TMEM243: variants seen among roughly 807,000 people sequenced by gnomAD.
The protein encoded by TMEM243 is transmembrane protein 243.
TMEM243 carries 20 observed loss-of-function variants against 15.0 expected under a neutral mutation model. The ratio of observed to expected loss-of-function variants is 1.33; its 90% confidence interval spans 0.94 to 1.93. The LOEUF is 1.93. Among genes scored for constraint, TMEM243 ranks in the 30% most tolerant of loss-of-function variants. The probability of loss-of-function intolerance (pLI) is 0.00; values close to 1 mark genes in which losing one functional copy is unlikely to be tolerated. For missense variants in TMEM243, 156 were observed against 142.1 expected (o/e 1.10, Z -0.50); for synonymous variants, 72 against 52.7 (o/e 1.37, Z -1.59).
At chr7:87,211,778 G>A (rs1246745097) in intron 1 of TMEM243, among the ~76,000 whole-genome samples, 1 of 152,204 alleles carries the variant, frequency 6.6e-6, no homozygotes, top group Non-Finnish European at 1.5e-5. Flanking sequence ...TGTCACTAGA[G>A]ACAACCGGAG....
At chr7:87,201,562 T>C (rs563650204) in intron 1 of TMEM243, among the ~76,000 whole-genome samples, 2 of 152,256 alleles carry the variant, frequency 1.3e-5, no homozygotes, top group East Asian at 3.9e-4. Context: ...TAGCTCCCAA[T>C]CTCCAAAGAG....
At chr7:87,212,839 A>C (rs1802848601) in intron 1 of TMEM243, among the ~76,000 whole-genome samples, 1 of 152,220 alleles carries the variant, frequency 6.6e-6, no homozygotes, top group Admixed American at 6.5e-5. Context: ...AAAAGGCTAC[A>C]AAAATGAGGA....
intron 1 of TMEM243, among the ~76,000 whole-genome samples, chr7:87,218,144 A>T (rs1378889340): frequency 6.6e-6 from 1 of 152,204 alleles, no homozygotes; most frequent in Non-Finnish European, 1.5e-5. Flanking sequence ...ACATTTGTCT[A>T]CGTTTTTTTT....
In TMEM243 at chr7:87,209,353, G is replaced by A. The variant is rs905651451; in HGVS notation, c.78+10073C>T. On this transcript the variant is annotated intron_variant, in intron 1 of 3. Coordinates refer to ENST00000257637, the MANE Select transcript of TMEM243 (RefSeq NM_024315.4). Reference sequence around the variant, plus strand: ...GAGACTGGGGAGAAGAGGTTGAGAGGGGGGAAGAAGAGGGGAAGAGAGAGA... The same window carrying A: ...GAGACTGGGGAGAAGAGGTTGAGAGAGGGGAAGAAGAGGGGAAGAGAGAGA... Among the ~76,000 whole-genome samples, 4 of 152,032 alleles carry A rather than the reference G, an allele frequency of 2.6e-5. No individual in the cohort carries two copies. The East Asian group carries it at 7.7e-4, about 29-fold the overall frequency.
chr7:87,209,515 AGT>A (rs1349840259), intron 1 of TMEM243, among the ~76,000 whole-genome samples: 5 of 80,858 alleles, frequency 6.2e-5, no homozygotes, highest in South Asian at 4.7e-4. Flanking sequence ...TGAGAAAGAC[AGT>A]GAGAGAGAGA....
chr7:87,205,100 C>T (rs1459109118), intron 1 of TMEM243, among the ~76,000 whole-genome samples: 1 of 152,248 alleles, frequency 6.6e-6, no homozygotes, highest in Non-Finnish European at 1.5e-5. Context: ...CCCCTTTTAG[C>T]CATGGCTAGA....
chr7:87,216,421 G>A (rs1357559996), intron 1 of TMEM243, among the ~76,000 whole-genome samples: 1 of 152,176 alleles, frequency 6.6e-6, no homozygotes, highest in Non-Finnish European at 1.5e-5. Flanking sequence ...ACTCCGATAT[G>A]AGTTACAAAG....
chr7:87,209,286 T>A (rs1450742032), intron 1 of TMEM243, among the ~76,000 whole-genome samples: 2 of 151,122 alleles, frequency 1.3e-5, no homozygotes, highest in African/African-American at 2.4e-5. Flanking sequence ...AAGCTACATA[T>A]TACATGGCAG....
At chr7:87,209,722 G>GAGAGCGAGACAC (rs1562885241) in intron 1 of TMEM243, among the ~76,000 whole-genome samples, 1 of 138,186 alleles carries the variant, frequency 7.2e-6, no homozygotes, top group Non-Finnish European at 1.6e-5. Context: ...GAGACACAGT[G>GAGAGCGAGACAC]AGAGCGAGAC....
chr7:87,206,920 C>T (rs73210219), intron 1 of TMEM243, among the ~76,000 whole-genome samples: 5,690 of 152,332 alleles, frequency 0.037, 126 homozygotes, highest in East Asian at 0.065. Flanking sequence ...TCTCATCTTA[C>T]CACTTAGGGC....
chr7:87,202,638 A>G (rs1801899321), intron 1 of TMEM243, among the ~76,000 whole-genome samples: 1 of 152,216 alleles, frequency 6.6e-6, no homozygotes, highest in Non-Finnish European at 1.5e-5. Flanking sequence ...CGGCTAGGTA[A>G]TGGCAAAAAA....
At chr7:87,219,788 G>A, upstream of TMEM243, 1 of 452,164 alleles carries the variant, frequency 2.2e-6, no homozygotes, top group Non-Finnish European at 4.0e-6. Flanking sequence ...CGCCCGGGCA[G>A]CTCCCACTTC....
chr7:87,211,549 C>T (rs931511596), intron 1 of TMEM243, among the ~76,000 whole-genome samples: 2 of 152,234 alleles, frequency 1.3e-5, no homozygotes, highest in Non-Finnish European at 2.9e-5. Flanking sequence ...CTTTGCTTCT[C>T]TTCTTCCAAA....
In TMEM243 at chr7:87,196,419, G is replaced by T; in HGVS notation, c.*217C>A. On this transcript the variant is annotated 3_prime_UTR_variant, in exon 4 of 4. Coordinates refer to ENST00000257637, the MANE Select transcript of TMEM243 (RefSeq NM_024315.4). ...TTTTTTGTGCTGTTTTAGCTTTAAGGGTTGGAATGTTTAGGTGCAACATCA... is the reference window on the plus strand; with the variant it reads ...TTTTTTGTGCTGTTTTAGCTTTAAGTGTTGGAATGTTTAGGTGCAACATCA... The T allele has an allele frequency of 2.3e-6, 1 of 441,186 alleles. No individual in the cohort carries two copies. Among genetic ancestry groups the T allele is most frequent in the Non-Finnish European group, 4.0e-6 (1 of 253,136 alleles). The allele number at this position is 441,186 out of a possible 1,614,324, so 27.3% of individuals were successfully genotyped here. A position where few individuals can be genotyped will look rare whatever the true frequency, so the allele number is the denominator to read the frequency against.
At chr7:87,197,813 T>A (rs762360629) in intron 3 of TMEM243, 128 bp downstream of exon 3, 23 of 1,544,436 alleles carry the variant, frequency 1.5e-5, no homozygotes, top group Non-Finnish European at 2.0e-5. Flanking sequence ...TCTAACATAC[T>A]TTTAGGGGGA....
chr7:87,220,049 C>T (rs1037113656), upstream of TMEM243, among the ~76,000 whole-genome samples: 2 of 152,250 alleles, frequency 1.3e-5, no homozygotes, highest in African/African-American at 4.8e-5. Flanking sequence ...GAACCCCTCG[C>T]CTAGCCTTCT....
intron 3 of TMEM243, 194 bp downstream of exon 3, chr7:87,197,747 G>T: frequency 7.8e-7 from 1 of 1,285,388 alleles, no homozygotes; most frequent in Non-Finnish European, 9.9e-7. Context: ...TTTCTCTTTG[G>T]GGTTACAACT....
chr7:87,219,442 C>T lies in TMEM243; in HGVS notation c.62G>A (p.Gly21Glu), dbSNP rs1446071950. ...CGCACTCACCTTGGCGGACGTCTCCCCAAACAGAGGTCTGTTGTCCAGGCC... is the reference window on the plus strand; with the variant it reads ...CGCACTCACCTTGGCGGACGTCTCCTCAAACAGAGGTCTGTTGTCCAGGCC... ...TSGLDNRPLF[G>E]ETSAKDRIIN... The change falls in exon 1 of 4, where the codon GGG (glycine) becomes GAG (glutamate). Residue 21 changes from glycine (G) to glutamate (E), a missense_variant. Physicochemically the swap from Gly to Glu is moderately conservative, Grantham distance 98 (BLOSUM62 -2). Transcript: ENST00000257637. 6.2e-7 allele frequency: 1 copy of T among 1,614,126 alleles called. No individual in the cohort carries two copies. Among genetic ancestry groups the T allele is most frequent in the African/African-American group, 1.3e-5 (1 of 74,946 alleles).
chr7:87,220,413 G>T (rs575590941), upstream of TMEM243: 1 of 152,488 alleles, frequency 6.6e-6, no homozygotes, highest in South Asian at 2.1e-4. Flanking sequence ...GCGCCGGGGA[G>T]AGTGGGCCCT....
Sources: gnomAD v4.1 joint callset for allele counts (sites outside exome capture counted in the v4.1 genomes callset) on GRCh38, gnomAD v4.1.1 for gene constraint, MANE v1.5 for transcripts, NCBI Gene and HGNC (gene_info 2026-07-23, HGNC 2026-07-21) for gene names.